The following HAPSTR1 variants were observed in gnomAD, a reference collection of about 807,000 sequenced individuals.
The protein encoded by HAPSTR1 is HUWE1 associated protein modifying stress responses, also known as HUWE1-associated protein modifying stress responses 1.
At chr16:9,105,836 G>A in the HAPSTR1 span, 1 of 152,214 alleles carries the variant, frequency 6.6e-6, no homozygotes, top group Non-Finnish European at 1.5e-5. Flanking sequence ...GCAGGCTTGA[G>A]TTTATAATGA....
At chr16:9,111,611 T>G in the HAPSTR1 span, 1 of 152,192 alleles carries the variant, frequency 6.6e-6, no homozygotes, top group Non-Finnish European at 1.5e-5. Context: ...AAAATTTTGT[T>G]GGACTTTTTT....
the HAPSTR1 span, chr16:9,093,064 C>T: frequency 2.0e-6 from 3 of 1,475,544 alleles, no homozygotes; most frequent in East Asian, 4.7e-5. Context: ...GGTGTCTGCC[C>T]TGCGTTCCAA....
chr16:9,100,941 A>G, the HAPSTR1 span, among the ~76,000 whole-genome samples: 5 of 152,146 alleles, frequency 3.3e-5, no homozygotes, highest in African/African-American at 1.2e-4. Context: ...GCTTACCTCC[A>G]TTTGGCTTTT....
At chr16:9,114,589 G>A in the HAPSTR1 span, among the ~76,000 whole-genome samples, 30 of 152,120 alleles carry the variant, frequency 2.0e-4, no homozygotes, top group African/African-American at 7.2e-4. Context: ...GTCGGGATAC[G>A]GTCTAAGGGT....
chr16:9,108,956 AT>A, the HAPSTR1 span: 5 of 152,096 alleles, frequency 3.3e-5, no homozygotes, highest in Non-Finnish European at 7.4e-5. Context: ...GGGTACCCTC[AT>A]TTCCCCTGGG....
the HAPSTR1 span, chr16:9,092,209 G>A: frequency 1.3e-6 from 2 of 1,588,172 alleles, no homozygotes; most frequent in East Asian, 2.3e-5. Flanking sequence ...CCGAGCACAA[G>A]CAGCAGAAGC....
At chr16:9,095,442 T>A in the HAPSTR1 span, among the ~76,000 whole-genome samples, 1 of 152,020 alleles carries the variant, frequency 6.6e-6, no homozygotes, top group Admixed American at 6.6e-5. Flanking sequence ...TAAATATAAT[T>A]TAAGGGGGGA....
chr16:9,092,241 C>A, the HAPSTR1 span: 1 of 1,576,542 alleles, frequency 6.3e-7, no homozygotes, highest in Admixed American at 1.8e-5. Context: ...TTCCAGAACT[C>A]GGCCACCGCC....
At chr16:9,099,120 C>G in the HAPSTR1 span, among the ~76,000 whole-genome samples, 4 of 133,458 alleles carry the variant, frequency 3.0e-5, no homozygotes, top group Non-Finnish European at 6.2e-5. Context: ...GTTTCCCATG[C>G]TTATATAAAA....
At chr16:9,097,166 C>T in the HAPSTR1 span, among the ~76,000 whole-genome samples, 1 of 151,706 alleles carries the variant, frequency 6.6e-6, no homozygotes, top group Non-Finnish European at 1.5e-5. Context: ...TCTTGAACTC[C>T]TGACCTCAGG....
chr16:9,114,483 G>C, the HAPSTR1 span, among the ~76,000 whole-genome samples: 1 of 152,324 alleles, frequency 6.6e-6, no homozygotes, highest in South Asian at 2.1e-4. Context: ...CTCAGGGAGT[G>C]AATGTTGGGA....
chr16:9,099,416 C>T, the HAPSTR1 span, among the ~76,000 whole-genome samples: 4 of 152,140 alleles, frequency 2.6e-5, no homozygotes, highest in Admixed American at 2.6e-4. Flanking sequence ...TGATCTCGAA[C>T]TCCTGGCTTC....
the HAPSTR1 span, among the ~76,000 whole-genome samples, chr16:9,092,623 G>T: frequency 7.2e-5 from 11 of 151,918 alleles, no homozygotes; most frequent in African/African-American, 1.9e-4. Context: ...GCCCCATTGT[G>T]CCCTGAGCCG....
the HAPSTR1 span, among the ~76,000 whole-genome samples, chr16:9,101,996 C>A: frequency 6.6e-6 from 1 of 152,148 alleles, no homozygotes; most frequent in Non-Finnish European, 1.5e-5. Flanking sequence ...TGGCGTGCGC[C>A]TGTAATCCCA....
chr16:9,113,005 G>GTTTTTTTTTTTTTTTTTTTTTTTTTTTTT, the HAPSTR1 span: 1 of 136,650 alleles, frequency 7.3e-6, no homozygotes. Context: ...GTACAACTTG[G>GTTTTTTTTTTTTTTTTTTTTTTTTTTTTT]TTTTTTTTTT....
chr16:9,102,856 A>G, the HAPSTR1 span: 3 of 883,724 alleles, frequency 3.4e-6, no homozygotes, highest in East Asian at 2.5e-5. Flanking sequence ...TTCAGTTTAT[A>G]TTACTGATGG....
the HAPSTR1 span, chr16:9,108,190 C>T: frequency 7.9e-5 from 12 of 152,242 alleles, no homozygotes; most frequent in African/African-American, 2.2e-4. Flanking sequence ...ATTTAATCCT[C>T]ACACCTACCC....
the HAPSTR1 span, among the ~76,000 whole-genome samples, chr16:9,093,199 A>C: frequency 6.6e-6 from 1 of 152,036 alleles, no homozygotes; most frequent in African/African-American, 2.4e-5. Flanking sequence ...CCCGGGACAG[A>C]TGGCAACGCC....
chr16:9,099,403 C>G, the HAPSTR1 span, among the ~76,000 whole-genome samples: 1 of 152,058 alleles, frequency 6.6e-6, no homozygotes, highest in Non-Finnish European at 1.5e-5. Context: ...ATGTTGGCCA[C>G]GCTGATCTCG....
Sources: allele counts gnomAD v4.1 joint callset (sites outside exome capture counted in the v4.1 genomes callset), GRCh38; gene constraint gnomAD v4.1.1; transcripts MANE v1.5; gene names NCBI Gene and HGNC (gene_info 2026-07-23, HGNC 2026-07-21).